SEMA6D: variants seen among roughly 807,000 people sequenced by gnomAD.
The protein encoded by SEMA6D is semaphorin 6D, also known as semaphorin-6D.
Under a neutral mutation model 106.6 loss-of-function variants are expected in SEMA6D, and 35 were observed. That is an observed-to-expected ratio of 0.33 (90% CI 0.25 to 0.44). The LOEUF (loss-of-function observed/expected upper bound fraction) is 0.44. Among genes scored for constraint, SEMA6D ranks in the 20% least tolerant of loss-of-function variants. The pLI, the probability that SEMA6D is intolerant of heterozygous loss-of-function variation, is 1.00. For missense variants in SEMA6D, 1,185 were observed against 1,345.9 expected (o/e 0.88, Z 1.87); for synonymous variants, 499 against 487.7 (o/e 1.02, Z -0.31).
In SEMA6D at chr15:47,316,210, A is replaced by G. The variant is rs1595714818; in HGVS notation, c.-238-96183A>G. 2.0e-5 allele frequency among the ~76,000 whole-genome samples: 3 copies of G among 148,950 alleles called. No homozygotes were observed. In the South Asian group the frequency reaches 6.4e-4, roughly 32 times the overall value. ...TGGGTTCAAGCAATTCTCCTGCCTC[A>G]GCCTCCTGAGTAGCTGGGATTACAG... On this transcript the variant is annotated intron_variant, in intron 1 of 19. Coordinates refer to the SEMA6D transcript ENST00000558014.
intron 1 of SEMA6D, among the ~76,000 whole-genome samples, chr15:47,374,441 A>G (rs1351318493): frequency 6.6e-6 from 1 of 152,152 alleles, no homozygotes; most frequent in East Asian, 1.9e-4. Context: ...AGTCAGCAGG[A>G]ATGGCAGTGG....
At chr15:47,545,650 C>T (rs1202517951) in intron 3 of SEMA6D, among the ~76,000 whole-genome samples, 1 of 152,054 alleles carries the variant, frequency 6.6e-6, no homozygotes, top group African/African-American at 2.4e-5. Context: ...TAAATATAAT[C>T]GGTTTTTAAT....
chr15:47,624,257 G>C (rs1444492086), intron 4 of SEMA6D, among the ~76,000 whole-genome samples: 1 of 152,150 alleles, frequency 6.6e-6, no homozygotes, highest in African/African-American at 2.4e-5. Flanking sequence ...GGCTGTGTTA[G>C]GAGCCGTACT....
intron 4 of SEMA6D, among the ~76,000 whole-genome samples, chr15:47,623,200 G>T (rs1243521089): frequency 6.6e-6 from 1 of 152,172 alleles, no homozygotes. Flanking sequence ...TCACCATGCT[G>T]GTCCTGCCTT....
intron 4 of SEMA6D, among the ~76,000 whole-genome samples, chr15:47,614,227 C>T (rs1465776385): frequency 2.6e-5 from 4 of 152,292 alleles, no homozygotes; most frequent in African/African-American, 9.6e-5. Flanking sequence ...TTACAAAGTG[C>T]GTGCCCAAAC....
intron 2 of SEMA6D, among the ~76,000 whole-genome samples, chr15:47,417,699 C>T (rs995304668): frequency 6.6e-6 from 1 of 151,814 alleles, no homozygotes; most frequent in Non-Finnish European, 1.5e-5. Context: ...TCCTTGGATC[C>T]CCTGAAATCT....
At chr15:47,487,341 C>T (rs1016375460) in intron 3 of SEMA6D, among the ~76,000 whole-genome samples, 1 of 152,178 alleles carries the variant, frequency 6.6e-6, no homozygotes, top group Admixed American at 6.5e-5. Context: ...CCCTCCAACC[C>T]CTCTTCTTCT....
intron 1 of SEMA6D, among the ~76,000 whole-genome samples, chr15:47,314,590 TC>T (rs1180839885): frequency 5.4e-5 from 2 of 36,964 alleles, no homozygotes; most frequent in African/African-American, 1.1e-4. Context: ...AGAGCGAGAC[TC>T]CATCTCAAAA....
chr15:47,388,581 G>A (rs1466115355), intron 1 of SEMA6D, among the ~76,000 whole-genome samples: 4 of 152,038 alleles, frequency 2.6e-5, no homozygotes, highest in Non-Finnish European at 5.9e-5. Context: ...TCAAAAAAAC[G>A]TAGTATACTT....
chr15:47,290,450 G>A (rs1273914688), intron 1 of SEMA6D, among the ~76,000 whole-genome samples: 3 of 152,104 alleles, frequency 2.0e-5, no homozygotes, highest in Non-Finnish European at 4.4e-5. Context: ...TTCTGTGTAA[G>A]TAGAAGAATG....
intron 1 of SEMA6D, among the ~76,000 whole-genome samples, chr15:47,723,119 A>G (rs762552867): frequency 6.6e-6 from 1 of 152,188 alleles, no homozygotes; most frequent in Non-Finnish European, 1.5e-5. Flanking sequence ...TCAATGAAAA[A>G]GTCATGTTTT....
intron 1 of SEMA6D, among the ~76,000 whole-genome samples, chr15:47,195,249 A>G (rs543410967): frequency 6.6e-6 from 1 of 152,226 alleles, no homozygotes; most frequent in East Asian, 1.9e-4. Flanking sequence ...GTGAAACAGA[A>G]GTGTTTCCAG....
chr15:47,298,695 G>T (rs2035901627), intron 1 of SEMA6D, among the ~76,000 whole-genome samples: 1 of 152,082 alleles, frequency 6.6e-6, no homozygotes, highest in African/African-American at 2.4e-5. Flanking sequence ...TGTGTATTAA[G>T]CCTCGGTCTC....
intron 3 of SEMA6D, among the ~76,000 whole-genome samples, chr15:47,550,159 T>G (rs1446492300): frequency 6.6e-6 from 1 of 152,122 alleles, no homozygotes; most frequent in Non-Finnish European, 1.5e-5. Context: ...TGAGCAAAAG[T>G]GATTGAAAAA....
chr15:47,705,563 T>C (rs759844933), intron 4 of SEMA6D, among the ~76,000 whole-genome samples: 23 of 152,184 alleles, frequency 1.5e-4, no homozygotes, highest in Middle Eastern at 3.2e-3. Context: ...TTTTTGGCAG[T>C]GGGATCTAGA....
intron 1 of SEMA6D, among the ~76,000 whole-genome samples, chr15:47,207,447 A>G (rs1210438142): frequency 6.6e-6 from 1 of 152,186 alleles, no homozygotes; most frequent in Admixed American, 6.5e-5. Context: ...TTGGAAAACC[A>G]TTATTTTATT....
At chr15:47,669,272 A>G (rs1300952373) in intron 4 of SEMA6D, among the ~76,000 whole-genome samples, 1 of 152,184 alleles carries the variant, frequency 6.6e-6, no homozygotes, top group South Asian at 2.1e-4. Context: ...CATTTTTCGC[A>G]TATACATCTT....
intron 8 of SEMA6D, 125 bp downstream of exon 8, chr15:47,762,444 C>T: frequency 9.2e-7 from 1 of 1,084,038 alleles, no homozygotes; most frequent in Non-Finnish European, 1.3e-6. Context: ...CAAGTACACA[C>T]TGCTTTGATT....
At chr15:47,331,201 T>G (rs549326483) in intron 1 of SEMA6D, among the ~76,000 whole-genome samples, 33 of 152,308 alleles carry the variant, frequency 2.2e-4, no homozygotes, top group African/African-American at 7.2e-4. Flanking sequence ...GTCCAAACCT[T>G]GGGCAGCCCA....
Sources: gnomAD v4.1 joint callset for allele counts (sites outside exome capture counted in the v4.1 genomes callset) on GRCh38, gnomAD v4.1.1 for gene constraint, MANE v1.5 for transcripts, NCBI Gene and HGNC (gene_info 2026-07-23, HGNC 2026-07-21) for gene names.